The following TAF1 variants were observed in gnomAD, a reference collection of about 807,000 sequenced individuals.
The protein encoded by TAF1 is transcription initiation factor TFIID subunit 1.
Under a neutral mutation model 138.5 loss-of-function variants are expected in TAF1, and 2 were observed. That is an observed-to-expected ratio of 0.01 (90% CI 0.01 to 0.05). TAF1 has a LOEUF of 0.05. Among genes scored for constraint, TAF1 ranks in the 10% least tolerant of loss-of-function variants. The pLI is 1.00. For missense variants in TAF1, 709 were observed against 1,478.0 expected, an observed-to-expected ratio of 0.48 and a Z score of 8.53; for synonymous variants, 437 against 503.2, an observed-to-expected ratio of 0.87 and a Z score of 1.76.
intron 14 of TAF1, among the ~76,000 whole-genome samples, chrX:71,529,096 G>C (rs2040055398): frequency 9.3e-6 from 1 of 107,419 alleles, no homozygotes; most frequent in South Asian, 4.1e-4. Flanking sequence ...TTTTGAGACA[G>C]AGTCTCGCTC....
intron 33 of TAF1, among the ~76,000 whole-genome samples, chrX:71,454,462 C>T (rs1013790339): frequency 1.8e-5 from 2 of 110,804 alleles, no homozygotes; most frequent in African/African-American, 3.3e-5. Context: ...AACCCTGTCT[C>T]AAAAAATAAA....
intron 14 of TAF1, chrX:71,529,643 G>A (rs1157069034): frequency 6.0e-6 from 2 of 330,861 alleles, no homozygotes; most frequent in Admixed American, 3.1e-5. Context: ...ACAGGCACAT[G>A]TTCCTTGAAG....
intron 13 of TAF1, among the ~76,000 whole-genome samples, chrX:71,490,254 G>A (rs1037062582): frequency 1.8e-5 from 2 of 111,914 alleles, no homozygotes; most frequent in Non-Finnish European, 3.8e-5. Context: ...CTGGCTCCTT[G>A]ATCTTGGACT....
Position 71,447,724 on chromosome X carries a change from C to G in TAF1, c.4754-6446C>G, listed in dbSNP as rs1420923672. On this transcript the variant is annotated intron_variant, in intron 32 of 37. Coordinates refer to ENST00000423759, the MANE Select transcript of TAF1 (RefSeq NM_004606.5). ...AAAAAAAAAAAAAATAGCAATAATG[C>G]TTGCTTTCCCCCCTTACTGGAACCA... Among the ~76,000 whole-genome samples the G allele has an allele frequency of 2.7e-5, 3 of 109,194 alleles. No homozygotes were observed. The Admixed American group carries it at 3.0e-4, about 11-fold the overall frequency. 94.8% of individuals were successfully genotyped at this position (109,194 alleles called of 115,157 possible).
At chrX:71,437,099 G>A (rs751444746) in intron 32 of TAF1, among the ~76,000 whole-genome samples, 5 of 110,792 alleles carry the variant, frequency 4.5e-5, no homozygotes, top group Admixed American at 3.9e-4. Flanking sequence ...TCTCATTGTC[G>A]AGTTTATTCC....
At chrX:71,454,943 G>A in intron 34 of TAF1, 86 bp downstream of exon 34, 1 of 1,187,419 alleles carries the variant, frequency 8.4e-7, no homozygotes. Context: ...CGTTTACTGA[G>A]ATACCATTCT....
chrX:71,410,651 G>T (rs1167038886), intron 28 of TAF1, among the ~76,000 whole-genome samples: 1 of 109,188 alleles, frequency 9.2e-6, no homozygotes, highest in East Asian at 2.9e-4. Context: ...TAGAGACAGG[G>T]TTTCACCGTG....
In TAF1 at chrX:71,367,600, G is replaced by T. The variant is rs199527776; in HGVS notation, c.222G>T (p.Leu74Phe). The T allele has an allele frequency of 4.1e-6, 5 of 1,211,564 alleles. No individual in the cohort carries two copies. The East Asian group carries it at 1.5e-4, about 36-fold the overall frequency. ...AATTGACCGGGACTGACGGTGCCTTGGTAAATGATGAAGGTGAAGTCTGGG... is the reference window on the plus strand; with the variant it reads ...AATTGACCGGGACTGACGGTGCCTTTGTAAATGATGAAGGTGAAGTCTGGG... The part of the protein sequence containing the change: ...NEELTGTDGA[L>F]VNDEGWVRST... Residue 74 changes from leucine (L) to phenylalanine (F), a missense_variant, in exon 2 of 38, where the codon TTG becomes TTT. Leu to Phe is a conservative substitution (Grantham distance 22, BLOSUM62 0). Transcript: ENST00000423759.
chrX:71,503,308 A>ATATATGTGTG lies in TAF1; in HGVS notation c.1367-25229_1367-25228insGTGTGTATAT, dbSNP rs1569408335. On this transcript the variant is annotated intron_variant and NMD_transcript_variant, in intron 13 of 14. Transcript: ENST00000373775. ...TATATATATATATGTGTATATATAT[A>ATATATGTGTG]TATATATATATATGTGTGTGTATAT... 2.9e-3 allele frequency among the ~76,000 whole-genome samples: 276 copies of ATATATGTGTG among 95,688 alleles called. 6 individuals carry two copies. The highest frequency in any genetic ancestry group is 0.011 in the African/African-American group (258 of 23,969). 83.1% of individuals were successfully genotyped at this position (95,688 alleles called of 115,157 possible).
chrX:71,372,324 C>T (rs1167364247), intron 3 of TAF1, among the ~76,000 whole-genome samples: 1 of 105,105 alleles, frequency 9.5e-6, no homozygotes, highest in Non-Finnish European at 1.9e-5. Flanking sequence ...CCCAGCTACT[C>T]GGGAAGCTGA....
At chrX:71,458,852 T>C (rs1223098561) in intron 35 of TAF1, among the ~76,000 whole-genome samples, 1 of 111,943 alleles carries the variant, frequency 8.9e-6, no homozygotes, top group African/African-American at 3.2e-5. Flanking sequence ...GGTTTTTCTA[T>C]CCCAAAGAGT....
intron 33 of TAF1, 119 bp downstream of exon 33, chrX:71,454,356 C>A: frequency 1.7e-6 from 1 of 596,731 alleles, no homozygotes; most frequent in Non-Finnish European, 2.6e-6. Context: ...GTGGTCCCAG[C>A]TACTCGTCTG....
chrX:71,376,994 C>G lies in TAF1; in HGVS notation c.517C>G (p.Pro173Ala). ...CATCATCTTGCCCTCCATCATTGCCCCTTCCTCTTTGGCCTCAGAGAAAGT... is the reference window on the plus strand; with the variant it reads ...CATCATCTTGCCCTCCATCATTGCCGCTTCCTCTTTGGCCTCAGAGAAAGT... ...EGIILPSIIA[P>A]SSLASEKVDF... The change falls in exon 5 of 38, where the codon CCT (proline) becomes GCT (alanine). Residue 173 changes from proline to alanine, a missense_variant. Coordinates refer to ENST00000423759, the MANE Select transcript of TAF1 (RefSeq NM_004606.5). 5 of 1,211,658 alleles carry G rather than the reference C, an allele frequency of 4.1e-6. No homozygotes were observed. The highest frequency in any genetic ancestry group is 4.5e-6 in the Non-Finnish European group (4 of 895,503).
At chrX:71,385,857 A>G (rs2034186071) in intron 14 of TAF1, among the ~76,000 whole-genome samples, 3 of 111,655 alleles carry the variant, frequency 2.7e-5, no homozygotes, top group Non-Finnish European at 5.6e-5. Context: ...CTACTTTTGT[A>G]GTCTCTTAAA....
intron 32 of TAF1, among the ~76,000 whole-genome samples, chrX:71,434,168 A>G (rs374870357): frequency 7.7e-4 from 86 of 112,052 alleles, no homozygotes; most frequent in African/African-American, 2.4e-3. Context: ...CAGAAGTTCA[A>G]GATCAGCCCC....
intron 13 of TAF1, among the ~76,000 whole-genome samples, chrX:71,487,096 C>A (rs1379108340): frequency 9.4e-6 from 1 of 106,336 alleles, no homozygotes; most frequent in Non-Finnish European, 1.9e-5. Context: ...GGAAAAATTT[C>A]AGCCTTTTTT....
intron 32 of TAF1, among the ~76,000 whole-genome samples, chrX:71,427,703 C>T (rs976938403): frequency 2.7e-5 from 3 of 111,401 alleles, no homozygotes; most frequent in African/African-American, 6.5e-5. Flanking sequence ...CTTTGGGAGG[C>T]TGAGGCAGAT....
At chrX:71,406,893 G>T in intron 26 of TAF1, 147 bp downstream of exon 26, 1 of 359,146 alleles carries the variant, frequency 2.8e-6, no homozygotes, top group African/African-American at 2.7e-5. Context: ...TCTAAAATAT[G>T]TTTGTCTAGT....
rs55836865 is a variant in TAF1 at position 71,378,273 on chromosome X, A to G, written c.972A>G (p.Gln324=). ...CTCCTGTGGAGTCCAAATTTTCCCA[A>G]TCAACTGGAGATATAGATAAAGTGA... The part of the protein sequence containing the change: ...MMAPVESKFS[Q]STGDIDKVTD... Residue 324 remains glutamine, a synonymous_variant, in exon 7 of 38, where the codon CAA becomes CAG. Coordinates refer to ENST00000423759, the MANE Select transcript of TAF1 (RefSeq NM_004606.5). The G allele has an allele frequency of 6.9e-5, 83 of 1,209,848 alleles. No individual in the cohort carries two copies. In the East Asian group the frequency reaches 1.6e-3, roughly 24 times the overall value.
Sources: allele counts gnomAD v4.1 joint callset (sites outside exome capture counted in the v4.1 genomes callset), GRCh38; gene constraint gnomAD v4.1.1; transcripts MANE v1.5; gene names NCBI Gene and HGNC (gene_info 2026-07-23, HGNC 2026-07-21).